BMP7: variants seen among roughly 807,000 people sequenced by gnomAD.
BMP7 encodes osteogenic protein 1.
Under a neutral mutation model 41.2 loss-of-function variants are expected in BMP7, and 12 were observed. The ratio of observed to expected loss-of-function variants is 0.29; its 90% CI spans 0.19 to 0.47. BMP7 has a LOEUF of 0.47. Among genes scored for constraint, BMP7 ranks in the 20% least tolerant of loss-of-function variants. The pLI, the probability that BMP7 is intolerant of heterozygous loss-of-function variation, is 0.99. For synonymous variants in BMP7, 248 were observed against 250.0 expected (o/e 0.99, Z 0.07); for missense variants, 467 against 606.0 (o/e 0.77, Z 2.41).
intron 2 of BMP7, among the ~76,000 whole-genome samples, chr20:57,220,251 G>A (rs1009199951): frequency 1.3e-5 from 2 of 152,204 alleles, no homozygotes; most frequent in Non-Finnish European, 2.9e-5. Flanking sequence ...CTTCCAATCT[G>A]AACTTGAACT....
chr20:57,185,437 G>A (rs1217987801), intron 3 of BMP7, among the ~76,000 whole-genome samples: 1 of 152,196 alleles, frequency 6.6e-6, no homozygotes, highest in Non-Finnish European at 1.5e-5. Flanking sequence ...AAAAAGGGGA[G>A]TCTCATGAGA....
In BMP7 at chr20:57,174,614, C is replaced by T. The variant is rs543900553; in HGVS notation, c.1035+317G>A. On this transcript the variant is annotated intron_variant, in intron 5 of 6. Coordinates refer to ENST00000395863, the MANE Select transcript of BMP7 (RefSeq NM_001719.3). The surrounding 1 kb of genome is among the most constrained non-coding windows in gnomAD (Gnocchi z 4.3). ...GGGGAGATGGCTCCCCAGGTATCTA[C>T]ATTCAAACACACGGCCCGGCATCAT... 2.1e-4 allele frequency among the ~76,000 whole-genome samples: 32 copies of T among 152,294 alleles called. No individual in the cohort carries two copies. In the South Asian group the frequency reaches 3.1e-3, roughly 15 times the overall value.
intron 3 of BMP7, among the ~76,000 whole-genome samples, chr20:57,196,934 C>T (rs1984505351): frequency 6.6e-6 from 1 of 151,926 alleles, no homozygotes; most frequent in Non-Finnish European, 1.5e-5. Flanking sequence ...CAGAGTCCCA[C>T]TCTGTTGCCC....
chr20:57,226,221 C>T (rs2066005604), intron 2 of BMP7, among the ~76,000 whole-genome samples: 1 of 152,356 alleles, frequency 6.6e-6, no homozygotes, highest in African/African-American at 2.4e-5. Context: ...ACAAAGCCAG[C>T]AGGAAGGACC....
At chr20:57,265,229 GGACAGGTAGGGCTT>G (rs2066171305) in intron 1 of BMP7, among the ~76,000 whole-genome samples, 1 of 152,230 alleles carries the variant, frequency 6.6e-6, no homozygotes, top group East Asian at 1.9e-4. Flanking sequence ...CACCACGAGG[GGACAGGTAGGGCTT>G]GACAGGGAGG....
At chr20:57,256,891 AAAAAAAAG>A in intron 1 of BMP7, among the ~76,000 whole-genome samples, 1 of 152,084 alleles carries the variant, frequency 6.6e-6, no homozygotes, top group Non-Finnish European at 1.5e-5. Context: ...TCCATCTCAA[AAAAAAAAG>A]AAAAAAAGAA....
At position 57,171,329 on chromosome 20, in the gene BMP7, A is replaced by G. The variant is rs1372474742; in HGVS notation, c.1147-221T>C. Reference sequence around the variant, plus strand: ...AGGGAACCAAAGCATAGAGGTTTTCACATTATACAGTGGGGAAGGAAGGGG... The same window carrying G: ...AGGGAACCAAAGCATAGAGGTTTTCGCATTATACAGTGGGGAAGGAAGGGG... On this transcript the variant is annotated intron_variant, in intron 6 of 6. Transcript: ENST00000395863. The surrounding 1 kb of genome is among the most constrained non-coding windows in gnomAD (Gnocchi z 4.5). Among the ~76,000 whole-genome samples, 4 of 152,186 alleles carry G rather than the reference A, an allele frequency of 2.6e-5. No individual in the cohort carries two copies. The highest frequency in any genetic ancestry group is 5.9e-5 in the Non-Finnish European group (4 of 68,036).
chr20:57,195,789 GAC>G (rs1984478164), intron 3 of BMP7, among the ~76,000 whole-genome samples: 1 of 152,242 alleles, frequency 6.6e-6, no homozygotes, highest in Admixed American at 6.5e-5. Flanking sequence ...CATGAAGTAA[GAC>G]ACGTGCTCTC....
chr20:57,251,074 A>C (rs2066111001), intron 1 of BMP7, among the ~76,000 whole-genome samples: 1 of 152,228 alleles, frequency 6.6e-6, no homozygotes, highest in Non-Finnish European at 1.5e-5. Flanking sequence ...AGCTCAGGGC[A>C]CAGGCAGGTC....
Position 57,228,993 on chromosome 20 carries a change from C to T in BMP7, c.419-572G>A, listed in dbSNP as rs2066018727. On this transcript the variant is annotated intron_variant, in intron 1 of 6. Coordinates refer to ENST00000395863, the MANE Select transcript of BMP7 (RefSeq NM_001719.3). This position sits in a 1 kb window ranked among gnomAD's most constrained non-coding sequence, Gnocchi z 4.5. Reference sequence around the variant, plus strand: ...ATCTCTAGGACCAGGGGTTCTCAGCCCTGAATGCACATGAAAATCACTGTG... The same window carrying T: ...ATCTCTAGGACCAGGGGTTCTCAGCTCTGAATGCACATGAAAATCACTGTG... Among the ~76,000 whole-genome samples the T allele has an allele frequency of 6.6e-6, 1 of 152,152 alleles. No individual in the cohort carries two copies. Among genetic ancestry groups the T allele is most frequent in the African/African-American group, 2.4e-5 (1 of 41,432 alleles).
intron 1 of BMP7, among the ~76,000 whole-genome samples, chr20:57,242,671 A>T (rs2066074406): frequency 1.3e-5 from 2 of 152,170 alleles, no homozygotes; most frequent in Admixed American, 1.3e-4. Flanking sequence ...CGTGACTGAG[A>T]TCTGAATGTT....
intron 1 of BMP7, among the ~76,000 whole-genome samples, chr20:57,238,995 C>T (rs1034385202): frequency 6.6e-6 from 1 of 152,030 alleles, no homozygotes; most frequent in African/African-American, 2.4e-5. Flanking sequence ...ACAGCCAAAC[C>T]CATTTCACCC....
Position 57,228,257 on chromosome 20 carries a change from A to C in BMP7, c.583T>G (p.Tyr195Asp), listed in dbSNP as rs2066015361. ...CCCAAGTGCTCCTGGAGCACCTGAT[A>C]AACGCTGATCCGGAACGTCTCATTG... is the stretch of plus-strand genomic sequence containing the variant. ...FDNETFRISV[Y>D]QVLQEHLGRE... The change falls in exon 2 of 7, where the codon TAT (tyrosine) becomes GAT (aspartate). Residue 195 changes from tyrosine (Y) to aspartate (D), a missense_variant. Around this residue, in one of 2 missense-constraint regions of BMP7, gnomAD observed 407 missense variants for 485.9 expected, o/e 0.84. Coordinates refer to ENST00000395863, the MANE Select transcript of BMP7 (RefSeq NM_001719.3). This position sits in a 1 kb window ranked among gnomAD's most constrained non-coding sequence, Gnocchi z 4.5. 1 of 1,613,872 alleles carries C rather than the reference A, an allele frequency of 6.2e-7. No homozygotes were observed. The highest frequency in any genetic ancestry group is 1.7e-5 in the Admixed American group (1 of 60,020).
In BMP7 at chr20:57,170,715, G is replaced by GT. The variant is rs1049517553; in HGVS notation, c.*243dup. On this transcript the variant is annotated 3_prime_UTR_variant, in exon 7 of 7. Coordinates refer to ENST00000395863, the MANE Select transcript of BMP7 (RefSeq NM_001719.3). Reference sequence around the variant, plus strand: ...GCCCGGCCATTTTTCTTTATGCGTTGTTTTTTTTTCCTGCTAGGTTTTGCC... The same window carrying GT: ...GCCCGGCCATTTTTCTTTATGCGTTGTTTTTTTTTTCCTGCTAGGTTTTGCC... 1,940 of 487,246 alleles carry GT rather than the reference G, an allele frequency of 4.0e-3. No homozygotes were observed. Among genetic ancestry groups the GT allele is most frequent in the Middle Eastern group, 7.9e-3 (13 of 1,652 alleles). The allele number at this position is 487,246 out of a possible 1,614,324, so 30.2% of individuals were successfully genotyped here. A position where few individuals can be genotyped will look rare whatever the true frequency, so the allele number is the denominator to read the frequency against.
At chr20:57,262,285 C>T (rs906654959) in intron 1 of BMP7, among the ~76,000 whole-genome samples, 1 of 152,188 alleles carries the variant, frequency 6.6e-6, no homozygotes, top group African/African-American at 2.4e-5. Context: ...AAAGAGGAGT[C>T]GGGGTTGTTA....
intron 4 of BMP7, among the ~76,000 whole-genome samples, chr20:57,176,263 G>A (rs1191913681): frequency 6.6e-6 from 1 of 152,204 alleles, no homozygotes; most frequent in Non-Finnish European, 1.5e-5. Context: ...GAAGATGGTG[G>A]GGTGGGGCAG....
At chr20:57,173,480 C>T in intron 5 of BMP7, 170 bp from the exon 6 acceptor site, 1 of 700,404 alleles carries the variant, frequency 1.4e-6, no homozygotes. Context: ...ACATGGGTGG[C>T]CTCTCATGGT....
intron 1 of BMP7, among the ~76,000 whole-genome samples, chr20:57,263,167 G>C (rs779970817): frequency 6.6e-6 from 1 of 152,186 alleles, no homozygotes; most frequent in Non-Finnish European, 1.5e-5. Flanking sequence ...AGGTCAGTGC[G>C]CTCTGTTAAA....
chr20:57,243,294 T>C (rs463955), intron 1 of BMP7, among the ~76,000 whole-genome samples: 89,943 of 151,976 alleles, frequency 0.59, 29,380 homozygotes, highest in African/African-American at 0.89. Flanking sequence ...GCCTGGCTAA[T>C]ATGCCAAAAC....
Sources: allele counts gnomAD v4.1 joint callset (sites outside exome capture counted in the v4.1 genomes callset), GRCh38; gene constraint gnomAD v4.1.1; regional missense constraint gnomAD v4.1.1; non-coding constraint Gnocchi (gnomAD v3.1); transcripts MANE v1.5; gene names NCBI Gene and HGNC (gene_info 2026-07-23, HGNC 2026-07-21).